NUMB: variants seen among roughly 807,000 people sequenced by gnomAD.
NUMB encodes the protein NUMB endocytic adaptor protein.
In NUMB, 29 loss-of-function variants were observed where a neutral mutation model predicts 59.7. The observed-to-expected ratio is 0.49, with a 90% CI of 0.36 to 0.66. NUMB has a LOEUF of 0.66. Ranked by LOEUF, NUMB falls within the 30% of genes least tolerant of loss-of-function variation. The pLI, the probability that NUMB is intolerant of heterozygous loss-of-function variation, is 0.00. For synonymous variants in NUMB, 288 were observed against 288.2 expected, an observed-to-expected ratio of 1.00 and a Z score of 0.01; for missense variants, 723 against 822.0, an observed-to-expected ratio of 0.88 and a Z score of 1.47.
intron 2 of NUMB, among the ~76,000 whole-genome samples, chr14:73,370,818 C>G (rs1255125839): frequency 6.6e-6 from 1 of 152,008 alleles, no homozygotes; most frequent in Non-Finnish European, 1.5e-5. Flanking sequence ...TCTGTGAATT[C>G]TATAAATGAA....
chr14:73,289,165 C>T (rs1202618459), intron 8 of NUMB, among the ~76,000 whole-genome samples: 1 of 151,868 alleles, frequency 6.6e-6, no homozygotes, highest in East Asian at 1.9e-4. Flanking sequence ...TCCTATCTTC[C>T]TCTAGCTCTA....
intron 2 of NUMB, among the ~76,000 whole-genome samples, chr14:73,389,026 G>C (rs1234146725): frequency 6.6e-6 from 1 of 151,614 alleles, no homozygotes; most frequent in Non-Finnish European, 1.5e-5. Flanking sequence ...GTGAGCCCGG[G>C]AGGCGGAGCT....
intron 4 of NUMB, among the ~76,000 whole-genome samples, chr14:73,338,001 C>A (rs2139968626): frequency 6.6e-6 from 1 of 152,192 alleles, no homozygotes; most frequent in East Asian, 1.9e-4. Flanking sequence ...AACATTGGTA[C>A]AGTTCAGGTG....
chr14:73,438,163 T>A (rs974130080), intron 1 of NUMB, among the ~76,000 whole-genome samples: 2 of 152,226 alleles, frequency 1.3e-5, no homozygotes, highest in Non-Finnish European at 2.9e-5. Context: ...TTTGACTTGA[T>A]AATTCCACTT....
intron 1 of NUMB, among the ~76,000 whole-genome samples, chr14:73,430,813 C>T (rs1308409933): frequency 1.3e-5 from 2 of 151,650 alleles, no homozygotes; most frequent in Admixed American, 6.6e-5. Context: ...GGTGTGGTGG[C>T]GGGCGCCTGT....
chr14:73,287,092 C>T lies in NUMB; in HGVS notation c.655+18G>A, dbSNP rs367675185. The stretch of plus-strand genomic sequence containing the variant: ...AAAAACTGCATTCCATAAATACACA[C>T]TGTAGAACAGATTGTACCTTTCTTG... On this transcript the variant is annotated intron_variant, in intron 9 of 12. Coordinates refer to ENST00000555238, the MANE Select transcript of NUMB (RefSeq NM_001005743.2). 32 of 1,610,824 alleles carry T rather than the reference C, an allele frequency of 2.0e-5. No individual in the cohort carries two copies. Among genetic ancestry groups the T allele is most frequent in the Non-Finnish European group, 2.7e-5 (32 of 1,177,178 alleles).
intron 4 of NUMB, among the ~76,000 whole-genome samples, chr14:73,334,042 T>G (rs1892147344): frequency 6.7e-6 from 1 of 148,596 alleles, no homozygotes; most frequent in South Asian, 2.1e-4. Flanking sequence ...TTTTTGGGGG[T>G]TTTTTGTGTG....
At chr14:73,422,881 C>T (rs1306899137) in intron 1 of NUMB, among the ~76,000 whole-genome samples, 1 of 147,700 alleles carries the variant, frequency 6.8e-6, no homozygotes, top group East Asian at 2.0e-4. Context: ...AACAACCAAA[C>T]CATATCAGGA....
chr14:73,406,095 T>TA, intron 2 of NUMB, among the ~76,000 whole-genome samples: 1 of 101,606 alleles, frequency 9.8e-6, no homozygotes, highest in African/African-American at 3.1e-5. Context: ...TATTTTTGTT[T>TA]TTTTTTTTTT....
At position 73,313,668 on chromosome 14, in the gene NUMB, G is replaced by GAAAAAA. The variant is rs10582204; in HGVS notation, c.234+2716_234+2721dup. On this transcript the variant is annotated intron_variant, in intron 6 of 12. Transcript: ENST00000555238. ...TATATATGCAAATATTCCAAAATCT[G>GAAAAAA]AAAAAAAAAAAAAAAAATCCAAAAT... 1.5e-3 allele frequency among the ~76,000 whole-genome samples: 180 copies of GAAAAAA among 124,092 alleles called. 6 individuals are homozygous for GAAAAAA. The East Asian group carries it at 0.016, about 11-fold the overall frequency. The allele number at this position is 124,092 out of a possible 152,430, so 81.4% of individuals were successfully genotyped here.
chr14:73,426,881 G>A (rs908126198), intron 1 of NUMB, among the ~76,000 whole-genome samples: 2 of 151,976 alleles, frequency 1.3e-5, no homozygotes, highest in Non-Finnish European at 2.9e-5. Context: ...AGGCATGGTG[G>A]CACATGCCTA....
chr14:73,341,395 G>C (rs966818471), intron 4 of NUMB, among the ~76,000 whole-genome samples: 1 of 152,062 alleles, frequency 6.6e-6, no homozygotes, highest in Admixed American at 6.6e-5. Flanking sequence ...AGGATGTGTG[G>C]GTTAAGTCAT....
chr14:73,314,935 G>A (rs992567544), intron 6 of NUMB, among the ~76,000 whole-genome samples: 1 of 151,912 alleles, frequency 6.6e-6, no homozygotes, highest in African/African-American at 2.4e-5. Context: ...TTATAATGCT[G>A]TGCTACACAG....
chr14:73,410,470 A>G (rs1366869746), intron 1 of NUMB, among the ~76,000 whole-genome samples: 3 of 152,164 alleles, frequency 2.0e-5, no homozygotes, highest in Non-Finnish European at 2.9e-5. Context: ...ATACGTCTCT[A>G]TGGGATTGAT....
At chr14:73,320,398 T>A (rs949202468) in intron 5 of NUMB, among the ~76,000 whole-genome samples, 7 of 152,178 alleles carry the variant, frequency 4.6e-5, no homozygotes, top group East Asian at 1.9e-4. Flanking sequence ...AACTTTCTTT[T>A]TTATTATTTA....
rs532355958 is a variant in NUMB, at chr14:73,454,272, A to G, written c.-233+4221T>C. 1.1e-4 allele frequency among the ~76,000 whole-genome samples: 16 copies of G among 152,278 alleles called. No individual in the cohort carries two copies. In the South Asian group the frequency reaches 1.9e-3, roughly 18 times the overall value. On this transcript the variant is annotated intron_variant, in intron 1 of 12. Coordinates refer to ENST00000555238, the MANE Select transcript of NUMB (RefSeq NM_001005743.2). ...CAGAAATCTGCAGAATTCAAGATCT[A>G]TTCTCTAGAAATCAAAACCTGTTAC...
chr14:73,385,717 G>T (rs1257570463), intron 2 of NUMB, among the ~76,000 whole-genome samples: 2 of 151,464 alleles, frequency 1.3e-5, no homozygotes, highest in Admixed American at 6.6e-5. Flanking sequence ...GGCCAGGCTG[G>T]TATCCAACTC....
intron 6 of NUMB, among the ~76,000 whole-genome samples, chr14:73,309,858 C>G (rs1191167155): frequency 6.6e-6 from 1 of 151,414 alleles, no homozygotes; most frequent in Non-Finnish European, 1.5e-5. Context: ...TATACTAATT[C>G]AAGAGTGGAG....
chr14:73,359,636 T>C (rs907547897), intron 3 of NUMB, among the ~76,000 whole-genome samples: 2 of 152,084 alleles, frequency 1.3e-5, no homozygotes, highest in Non-Finnish European at 2.9e-5. Context: ...GAAAAAGGTG[T>C]TGGAATCTGG....
Sources: gnomAD v4.1 joint callset for allele counts (sites outside exome capture counted in the v4.1 genomes callset) on GRCh38, gnomAD v4.1.1 for gene constraint, MANE v1.5 for transcripts, NCBI Gene and HGNC (gene_info 2026-07-23, HGNC 2026-07-21) for gene names.